FAM98A: variants seen among roughly 807,000 people sequenced by gnomAD.
FAM98A encodes the protein tRNA splicing ligase complex subunit 3A.
Under a neutral mutation model 62.9 loss-of-function variants are expected in FAM98A, and 25 were observed. That is an observed-to-expected ratio of 0.40 (90% confidence interval 0.29 to 0.56). The LOEUF is 0.56. Ranked by LOEUF, FAM98A falls within the 20% of genes least tolerant of loss-of-function variation. The pLI, the probability that FAM98A is intolerant of heterozygous loss-of-function variation, is 0.51. For synonymous variants in FAM98A, 252 were observed against 228.6 expected (o/e 1.10, Z -0.92); for missense variants, 653 against 640.7 (o/e 1.02, Z -0.21).
At chr2:33,592,986 C>A (rs1677708169) in intron 2 of FAM98A, among the ~76,000 whole-genome samples, 1 of 152,164 alleles carries the variant, frequency 6.6e-6, no homozygotes, top group Non-Finnish European at 1.5e-5. Flanking sequence ...TAGCAAATCC[C>A]ACCCATCCAT....
At chr2:33,591,213 G>T (rs1677665333) in intron 3 of FAM98A, among the ~76,000 whole-genome samples, 1 of 148,956 alleles carries the variant, frequency 6.7e-6, no homozygotes, top group South Asian at 2.1e-4. Flanking sequence ...TTTTTTAACA[G>T]AACCTTAAAA....
At chr2:33,592,529 C>A (rs564230043) in intron 2 of FAM98A, among the ~76,000 whole-genome samples, 25 of 152,204 alleles carry the variant, frequency 1.6e-4, no homozygotes, top group African/African-American at 5.8e-4. Context: ...CCATGCCTGG[C>A]TAATATTTAG....
rs749025530 is a variant in FAM98A at position 33,585,485 on chromosome 2, A to G, written c.889-41T>C. ...GATATTTTAAACTTTTATTTTATGA[A>G]CAGAAATAAATGCATTTGGAAAAAA... On this transcript the variant is annotated intron_variant, in intron 7 of 7. Coordinates refer to ENST00000238823, the MANE Select transcript of FAM98A (RefSeq NM_015475.5). 11 of 1,613,128 alleles carry G rather than the reference A, an allele frequency of 6.8e-6. No individual in the cohort carries two copies. The Admixed American group carries it at 1.3e-4, about 20-fold the overall frequency.
At chr2:33,595,672 A>T in intron 1 of FAM98A, 35 bp from the exon 2 acceptor site, 1 of 1,524,480 alleles carries the variant, frequency 6.6e-7, no homozygotes, top group Non-Finnish European at 8.9e-7. Context: ...AGAAGAAAAT[A>T]CAATCATACC....
intron 4 of FAM98A, among the ~76,000 whole-genome samples, chr2:33,587,810 C>T (rs935400240): frequency 6.6e-6 from 1 of 151,452 alleles, no homozygotes; most frequent in Non-Finnish European, 1.5e-5. Flanking sequence ...AAAATCTTAA[C>T]TGATAATGTG....
At position 33,584,922 on chromosome 2, in the gene FAM98A, C is replaced by G; in HGVS notation, c.1411G>C (p.Gly471Arg). 6.2e-7 allele frequency: 1 copy of G among 1,613,904 alleles called. No homozygotes were observed. Among genetic ancestry groups the G allele is most frequent in the African/African-American group, 1.3e-5 (1 of 74,968 alleles). ...RGGRGGRGGR[G>R]GRAGQGGGWG... is the part of the protein sequence containing the mutation. The stretch of plus-strand genomic sequence containing the variant: ...CCTCCTCCCTGGCCTGCACGACCAC[C>G]TCGGCCTCCACGACCACCTCGCCCA... The change falls in exon 8 of 8, where the codon GGT becomes CGT. Residue 471 changes from glycine to arginine, a missense_variant. Transcript: ENST00000238823.
chr2:33,596,415 A>G (rs1004882404), intron 1 of FAM98A, among the ~76,000 whole-genome samples: 1 of 152,196 alleles, frequency 6.6e-6, no homozygotes, highest in Admixed American at 6.5e-5. Context: ...TAAAAAATTT[A>G]AAAATGTTCA....
rs748702419 is a variant in FAM98A, at chr2:33,596,202, CT to C, written c.54-566del. Among the ~76,000 whole-genome samples, 6 of 152,100 alleles carry C rather than the reference CT, an allele frequency of 3.9e-5. No individual in the cohort carries two copies. In the East Asian group the frequency reaches 5.8e-4, roughly 15 times the overall value. The stretch of plus-strand genomic sequence containing the variant: ...CAGGGGTCTTACTATGTTGCCCAGG[CT>C]TAGTTAGGTTTTTAATGACTTCCTT... On this transcript the variant is annotated intron_variant, in intron 1 of 7. Coordinates refer to ENST00000238823, the MANE Select transcript of FAM98A (RefSeq NM_015475.5).
Position 33,585,206 on chromosome 2 carries a change from C to T in FAM98A, c.1127G>A (p.Gly376Glu), listed in dbSNP as rs760489810. Residue 376 changes from glycine (G) to glutamate (E), a missense_variant, in exon 8 of 8, where the codon GGA (glycine) becomes GAA (glutamate). By Grantham distance (98) the Gly-to-Glu change is moderately conservative. Transcript: ENST00000238823. ...TGTCCAGCCTCCTTGATGCTTATTT[C>T]CTCTTCCTCCCCCTCGGCCACCATG... Reference protein sequence around the residue: ...YDHGGRGGGRGNKHQGGWTDG... With the variant: ...YDHGGRGGGRENKHQGGWTDG... The T allele has an allele frequency of 1.2e-6, 2 of 1,614,152 alleles. No homozygotes were observed. The highest frequency in any genetic ancestry group is 2.2e-5 in the South Asian group (2 of 91,076).
intron 3 of FAM98A, 39 bp from the exon 4 acceptor site, chr2:33,588,558 CT>C (rs1430572304): frequency 6.4e-7 from 1 of 1,554,664 alleles, no homozygotes; most frequent in Non-Finnish European, 8.8e-7. Flanking sequence ...TGAGATACAG[CT>C]ATAGTTATAG....
In FAM98A at chr2:33,597,046, T is replaced by C. The variant is rs577577192; in HGVS notation, c.54-1409A>G. 4.5e-4 allele frequency among the ~76,000 whole-genome samples: 68 copies of C among 152,258 alleles called. No individual in the cohort carries two copies. In the South Asian group the frequency reaches 0.014, roughly 32 times the overall value. On this transcript the variant is annotated intron_variant, in intron 1 of 7. Transcript: ENST00000238823. ...ATACATAAAAAAATGAGATCACATG[T>C]AGTCTGGCATCTAGATTTATAAACT...
Position 33,584,888 on chromosome 2 carries a change from C to A in FAM98A, c.1445G>T (p.Gly482Val), listed in dbSNP as rs1428657699. The change falls in exon 8 of 8, where the codon GGA becomes GTA. Residue 482 changes from glycine (G) to valine (V), a missense_variant. Gly to Val is a moderately radical substitution (Grantham distance 109). Transcript: ENST00000238823. ...GRAGQGGGWGGRGSQNYHQGG... is the reference protein window; with the variant it reads ...GRAGQGGGWGVRGSQNYHQGG... ...TTGGTGATAATTCTGGCTCCCTCTT[C>A]CTCCCCAGCCTCCTCCCTGGCCTGC... 1 of 1,614,094 alleles carries A rather than the reference C, an allele frequency of 6.2e-7. No individual in the cohort carries two copies. The highest frequency in any genetic ancestry group is 1.7e-5 in the Admixed American group (1 of 60,026).
At chr2:33,586,118 G>A (rs1425548183) in intron 6 of FAM98A, among the ~76,000 whole-genome samples, 1 of 151,994 alleles carries the variant, frequency 6.6e-6, no homozygotes, top group Non-Finnish European at 1.5e-5. Context: ...TCTGCTGAAT[G>A]ACCAAGGTCT....
chr2:33,594,857 G>A (rs1677771919), intron 2 of FAM98A, among the ~76,000 whole-genome samples: 1 of 152,096 alleles, frequency 6.6e-6, no homozygotes, highest in African/African-American at 2.4e-5. Context: ...TTTACCTACA[G>A]CAGGAAGGAA....
Position 33,584,926 on chromosome 2 carries a change from G to T in FAM98A, c.1407C>A (p.Gly469=). 1 of 1,607,528 alleles carries T rather than the reference G, an allele frequency of 6.2e-7. No homozygotes were observed. The highest frequency in any genetic ancestry group is 8.5e-7 in the Non-Finnish European group (1 of 1,177,296). Residue 469 remains glycine (G), a synonymous_variant, in exon 8 of 8, where the codon GGC becomes GGA. Transcript: ENST00000238823. ...CTCCCTGGCCTGCACGACCACCTCG[G>T]CCTCCACGACCACCTCGCCCACCAC... is the stretch of plus-strand genomic sequence containing the variant. The part of the protein sequence containing the change: ...GGRGGRGGRG[G]RGGRAGQGGG...
chr2:33,587,410 A>C, intron 4 of FAM98A, 90 bp from the exon 5 acceptor site: 1 of 1,011,664 alleles, frequency 9.9e-7, no homozygotes, highest in Non-Finnish European at 1.5e-6. Flanking sequence ...CCATCAAAAG[A>C]AGATTCCTGA....
In FAM98A at chr2:33,585,219, C is replaced by G. The variant is rs779225352; in HGVS notation, c.1114G>C (p.Gly372Arg). Residue 372 changes from glycine to arginine, a missense_variant, in exon 8 of 8, where the codon GGG becomes CGG. By Grantham distance (125) the Gly-to-Arg change is moderately radical. Coordinates refer to ENST00000238823, the MANE Select transcript of FAM98A (RefSeq NM_015475.5). ...TGATGCTTATTTCCTCTTCCTCCCCCTCGGCCACCATGGTCATAGCCACCA... is the reference window on the plus strand; with the variant it reads ...TGATGCTTATTTCCTCTTCCTCCCCGTCGGCCACCATGGTCATAGCCACCA... ...GRGGYDHGGR[G>R]GGRGNKHQGG... 6 of 1,614,116 alleles carry G rather than the reference C, an allele frequency of 3.7e-6. No homozygotes were observed. Among genetic ancestry groups the G allele is most frequent in the Non-Finnish European group, 3.4e-6 (4 of 1,180,036 alleles).
Position 33,584,203 on chromosome 2 carries a change from AG to A in FAM98A, c.*572del, listed in dbSNP as rs1409532855. On this transcript the variant is annotated 3_prime_UTR_variant, in exon 8 of 8. Transcript: ENST00000238823. The stretch of plus-strand genomic sequence containing the variant: ...GATACAGTATTCCATCAACAAAATA[AG>A]GCTACTGAATGTGCTATCTGCAAAA... 6.5e-6 allele frequency: 1 copy of A among 153,240 alleles called. No homozygotes were observed. Among genetic ancestry groups the A allele is most frequent in the Non-Finnish European group, 1.5e-5 (1 of 68,546 alleles). The allele number at this position is 153,240 out of a possible 1,614,324, so 9.5% of individuals were successfully genotyped here. A position where few individuals can be genotyped will look rare whatever the true frequency, so the allele number is the denominator to read the frequency against.
At chr2:33,596,159 TA>T (rs1189250796) in intron 1 of FAM98A, among the ~76,000 whole-genome samples, 5 of 152,178 alleles carry the variant, frequency 3.3e-5, no homozygotes, top group African/African-American at 1.2e-4. Flanking sequence ...GCTTTTTTTT[TA>T]TTTTTTATAA....
Sources: allele counts gnomAD v4.1 joint callset (sites outside exome capture counted in the v4.1 genomes callset), GRCh38; gene constraint gnomAD v4.1.1; transcripts MANE v1.5; gene names NCBI Gene and HGNC (gene_info 2026-07-23, HGNC 2026-07-21).